Variants in MACF1 observed in about 807,000 individuals in gnomAD.
MACF1 encodes the protein microtubule actin crosslinking factor 1.
MACF1 carries 193 observed loss-of-function variants against 854.8 expected under a neutral mutation model. The ratio of observed to expected loss-of-function variants is 0.23; its 90% CI spans 0.20 to 0.25. The LOEUF (loss-of-function observed/expected upper bound fraction) is 0.25, where lower values mean the gene tolerates loss of function less well. Among genes scored for constraint, MACF1 ranks in the 10% least tolerant of loss-of-function variants. The probability of loss-of-function intolerance (pLI) is 1.00; values close to 1 mark genes in which losing one functional copy is unlikely to be tolerated. For missense variants in MACF1, 7,722 were observed against 8,929.1 expected (o/e 0.86, Z 5.45); for synonymous variants, 3,185 against 3,226.7 (o/e 0.99, Z 0.44).
At chr1:39,174,325 G>T (rs997913136) in intron 2 of MACF1, among the ~76,000 whole-genome samples, 4 of 152,284 alleles carry the variant, frequency 2.6e-5, no homozygotes, top group African/African-American at 7.2e-5. Flanking sequence ...AGAATTGAAT[G>T]AGTTAATATG....
chr1:39,281,691 A>G (rs1036955169), intron 6 of MACF1, among the ~76,000 whole-genome samples: 23 of 152,174 alleles, frequency 1.5e-4, no homozygotes, highest in African/African-American at 5.1e-4. Flanking sequence ...TAGGTGCTAC[A>G]AAGAATTCTA....
chr1:39,416,027 T>G (rs1033397111), intron 58 of MACF1, among the ~76,000 whole-genome samples: 5 of 152,148 alleles, frequency 3.3e-5, no homozygotes, highest in African/African-American at 1.2e-4. Context: ...TGCAGAGCCT[T>G]TCAGGGCAGC....
In MACF1 at chr1:39,335,819, A is replaced by G; in HGVS notation, c.9231A>G (p.Leu3077=). 6.2e-7 allele frequency: 1 copy of G among 1,614,210 alleles called. No individual in the cohort carries two copies. The highest frequency in any genetic ancestry group is 8.5e-7 in the Non-Finnish European group (1 of 1,180,022). Residue 3077 remains leucine, a synonymous_variant, in exon 37 of 101, where the codon TTA becomes TTG. Transcript: ENST00000564288. The stretch of plus-strand genomic sequence containing the variant: ...CCAATGAAGGAAAAGTAAACAATTT[A>G]AGTCTCTGCTTGACTTTAAAACCAG... ...KQANEGKVNN[L]SLCLTLKPEE...
chr1:39,284,009 T>C, intron 9 of MACF1, 57 bp from the exon 10 acceptor site: 1 of 1,595,362 alleles, frequency 6.3e-7, no homozygotes. Flanking sequence ...CTACTTTCTC[T>C]TGTGCTTGTT....
chr1:39,346,682 G>T (rs1001333741), intron 40 of MACF1, among the ~76,000 whole-genome samples: 4 of 151,920 alleles, frequency 2.6e-5, no homozygotes, highest in African/African-American at 7.2e-5. Flanking sequence ...ACTACGCCTG[G>T]CTAATTTTTT....
At chr1:39,160,778 T>C (rs1273328782) in intron 2 of MACF1, among the ~76,000 whole-genome samples, 2 of 152,202 alleles carry the variant, frequency 1.3e-5, no homozygotes, top group South Asian at 2.1e-4. Context: ...ATACAAACCA[T>C]TGCCTTTGTC....
chr1:39,391,417 G>A (rs1642032057), intron 58 of MACF1, among the ~76,000 whole-genome samples: 1 of 152,154 alleles, frequency 6.6e-6, no homozygotes. Context: ...CTGTGCATGT[G>A]TGTGTGGAGA....
Position 39,322,631 on chromosome 1 carries a change from A to T in MACF1, c.4053A>T (p.Thr1351=). 1 of 1,614,152 alleles carries T rather than the reference A, an allele frequency of 6.2e-7. No individual in the cohort carries two copies. Among genetic ancestry groups the T allele is most frequent in the Non-Finnish European group, 8.5e-7 (1 of 1,179,960 alleles). ...IVKDYELQLM[T]YKAFVESQQK... ...AGGACTATGAATTGCAACTGATGAC[A>T]TACAAGGCCTTTGTGGAATCGCAGC... is the stretch of plus-strand genomic sequence containing the variant. The change falls in exon 32 of 101, where the codon ACA becomes ACT. Residue 1351 remains threonine (T), a synonymous_variant. Coordinates refer to ENST00000564288, the MANE Select transcript of MACF1 (RefSeq NM_001394062.1).
rs141246822 is a variant in MACF1 at position 39,310,340 on chromosome 1, G to T, written c.3012G>T (p.Leu1004=). Reference sequence around the variant, plus strand: ...TGCAGGATAGTCGTGACTCTGTGCTGTTCTCAGTGGCTGATCGCTTGCGCT... The same window carrying T: ...TGCAGGATAGTCGTGACTCTGTGCTTTTCTCAGTGGCTGATCGCTTGCGCT... The part of the protein sequence containing the change: ...DFLQDSRDSV[L]FSVADRLRLE... Residue 1004 remains leucine, a synonymous_variant, in exon 25 of 101, where the codon CTG becomes CTT. Coordinates refer to ENST00000564288, the MANE Select transcript of MACF1 (RefSeq NM_001394062.1). The T allele has an allele frequency of 2.5e-6, 4 of 1,614,164 alleles. No individual in the cohort carries two copies. In the African/African-American group the frequency reaches 5.3e-5, roughly 22 times the overall value.
At chr1:39,368,654 AC>A (rs1648948407) in intron 50 of MACF1, among the ~76,000 whole-genome samples, 1 of 151,496 alleles carries the variant, frequency 6.6e-6, no homozygotes, top group Non-Finnish European at 1.5e-5. Flanking sequence ...GGCGCCCACC[AC>A]CATGCTCAGC....
intron 58 of MACF1, chr1:39,410,374 T>A (rs746463445): frequency 1.9e-6 from 3 of 1,613,836 alleles, no homozygotes; most frequent in Non-Finnish European, 1.7e-6. Context: ...TCCACAACGG[T>A]CTATATATGA....
chr1:39,376,461 C>T (rs1329118613), intron 52 of MACF1, among the ~76,000 whole-genome samples: 2 of 152,120 alleles, frequency 1.3e-5, no homozygotes, highest in African/African-American at 4.8e-5. Flanking sequence ...TTCCCAGTTA[C>T]CCCATGAGAG....
rs1644527694 is a variant in MACF1 at position 39,460,221 on chromosome 1, C to T, written c.21361-411C>T. ...GTAAACACGAGCCTCCTGATATGAGCCCTATGTGTGATTATAATGCCTTTC... is the reference window on the plus strand; with the variant it reads ...GTAAACACGAGCCTCCTGATATGAGTCCTATGTGTGATTATAATGCCTTTC... On this transcript the variant is annotated intron_variant, in intron 91 of 100. Transcript: ENST00000564288. The surrounding 1 kb of genome is among the most constrained non-coding windows in gnomAD (Gnocchi z 4.1). 6.6e-6 allele frequency among the ~76,000 whole-genome samples: 1 copy of T among 152,142 alleles called. No individual in the cohort carries two copies. Among genetic ancestry groups the T allele is most frequent in the Non-Finnish European group, 1.5e-5 (1 of 68,030 alleles).
chr1:39,303,542 G>A (rs1041943351), intron 23 of MACF1, among the ~76,000 whole-genome samples: 1 of 148,984 alleles, frequency 6.7e-6, no homozygotes, highest in South Asian at 2.1e-4. Context: ...AACAGAGCGA[G>A]ACTCTGTCTC....
At position 39,404,956 on chromosome 1, in the gene MACF1, G is replaced by A. The variant is rs564900952; in HGVS notation, c.15816+16298G>A. 2.0e-5 allele frequency among the ~76,000 whole-genome samples: 3 copies of A among 152,180 alleles called. No individual in the cohort carries two copies. The East Asian group carries it at 5.8e-4, about 29-fold the overall frequency. On this transcript the variant is annotated intron_variant, in intron 58 of 100. Coordinates refer to ENST00000564288, the MANE Select transcript of MACF1 (RefSeq NM_001394062.1). ...CCTTCTGTCAGGTCTTTTCTAACTT[G>A]CAAAGCCCCATGATTTTGTCATCAC...
chr1:39,335,178 T>G lies in MACF1; in HGVS notation c.8590T>G (p.Phe2864Val), dbSNP rs754841192. ...AAGAATGTCTTCAGATGCTAAAGAA[T>G]TTATCAGTATCATAAATCCTCATAA... is the stretch of plus-strand genomic sequence containing the variant. ...KPRMSSDAKE[F>V]ISIINPHNLK... Residue 2864 changes from phenylalanine (F) to valine (V), a missense_variant, in exon 37 of 101, where the codon TTT becomes GTT. Coordinates refer to ENST00000564288, the MANE Select transcript of MACF1 (RefSeq NM_001394062.1). 1.2e-6 allele frequency: 2 copies of G among 1,614,022 alleles called. No individual in the cohort carries two copies.
Position 39,283,378 on chromosome 1 carries a change from A to G in MACF1, c.809-31A>G. On this transcript the variant is annotated intron_variant, in intron 8 of 100. Coordinates refer to ENST00000564288, the MANE Select transcript of MACF1 (RefSeq NM_001394062.1). The surrounding 1 kb of genome is among the most constrained non-coding windows in gnomAD (Gnocchi z 4.5). ...TCTTCTGGCAAGTTCCTTTGTTCTG[A>G]CTAAGAAATTTCTTGTCCATTCTCT... is the stretch of plus-strand genomic sequence containing the variant. The G allele has an allele frequency of 6.3e-7, 1 of 1,589,956 alleles. No homozygotes were observed. Among genetic ancestry groups the G allele is most frequent in the Non-Finnish European group, 8.6e-7 (1 of 1,158,060 alleles).
intron 2 of MACF1, among the ~76,000 whole-genome samples, chr1:39,085,865 G>A (rs1028736535): frequency 6.6e-6 from 1 of 152,110 alleles, no homozygotes; most frequent in Non-Finnish European, 1.5e-5. Flanking sequence ...ACCCCCAGAG[G>A]GATGCATCTT....
At chr1:39,305,777 TCA>T (rs1355896827) in intron 23 of MACF1, among the ~76,000 whole-genome samples, 1 of 152,194 alleles carries the variant, frequency 6.6e-6, no homozygotes, top group Non-Finnish European at 1.5e-5. Flanking sequence ...CCTCTGTTTC[TCA>T]CACACAGACA....
Sources: gnomAD v4.1 joint callset for allele counts (sites outside exome capture counted in the v4.1 genomes callset) on GRCh38, gnomAD v4.1.1 for gene constraint, Gnocchi (gnomAD v3.1) non-coding constraint, MANE v1.5 for transcripts, NCBI Gene and HGNC (gene_info 2026-07-23, HGNC 2026-07-21) for gene names.